Variants in MAPK8IP3 observed in about 807,000 individuals in gnomAD.
MAPK8IP3 encodes mitogen-activated protein kinase 8 interacting protein 3.
Under a neutral mutation model 157.8 loss-of-function variants are expected in MAPK8IP3, and 49 were observed. The observed-to-expected ratio is 0.31, with a 90% CI of 0.25 to 0.39. The LOEUF is 0.39. Ranked by LOEUF, MAPK8IP3 falls within the 10% of genes least tolerant of loss-of-function variation. The pLI is 1.00. For synonymous variants in MAPK8IP3, 897 were observed against 777.7 expected (o/e 1.15, Z -2.55); for missense variants, 1,478 against 1,889.4 (o/e 0.78, Z 4.04).
intron 8 of MAPK8IP3, among the ~76,000 whole-genome samples, chr16:1,750,376 C>T (rs1000412903): frequency 8.6e-5 from 13 of 152,006 alleles, no homozygotes; most frequent in Non-Finnish European, 1.6e-4. Flanking sequence ...CCACGCCCGG[C>T]TAATTTTTGT....
intron 20 of MAPK8IP3, 36 bp from the exon 21 acceptor site, chr16:1,765,924 C>A: frequency 1.3e-6 from 2 of 1,572,622 alleles, no homozygotes; most frequent in Non-Finnish European, 1.7e-6. Flanking sequence ...GTAGTGGGTT[C>A]CCCCGCACAG....
At chr16:1,768,664 G>A (rs377575166) in intron 31 of MAPK8IP3, 38 bp downstream of exon 31, 110 of 1,610,728 alleles carry the variant, frequency 6.8e-5, no homozygotes, top group Admixed American at 2.2e-4. Context: ...GGTTGGGCGC[G>A]GGGGGAGCCT....
At chr16:1,760,203 G>A in intron 11 of MAPK8IP3, 177 bp from the exon 12 acceptor site, 4 of 959,394 alleles carry the variant, frequency 4.2e-6, no homozygotes, top group South Asian at 3.2e-5. Context: ...GTCTCCAGGA[G>A]CCTCTAACAA....
At position 1,766,029 on chromosome 16, in the gene MAPK8IP3, G is replaced by A. The variant is rs1323598674; in HGVS notation, c.2516G>A (p.Gly839Asp). ...AGCGACGTGAACCCAGAGGACCCGG[G>A]CGCAGATGGCGTGCTGGCCGGTATC... is the stretch of plus-strand genomic sequence containing the variant. Reference protein sequence around the residue: ...LDSDVNPEDPGADGVLAGITL... With the variant: ...LDSDVNPEDPDADGVLAGITL... Residue 839 changes from glycine (G) to aspartate (D), a missense_variant, in exon 21 of 32, where the codon GGC becomes GAC. By Grantham distance (94) the Gly-to-Asp change is moderately conservative. Coordinates refer to ENST00000610761, the MANE Select transcript of MAPK8IP3 (RefSeq NM_001318852.2). The A allele has an allele frequency of 1.2e-6, 2 of 1,612,744 alleles. No homozygotes were observed. The highest frequency in any genetic ancestry group is 1.7e-6 in the Non-Finnish European group (2 of 1,179,968).
At position 1,724,376 on chromosome 16, in the gene MAPK8IP3, G is replaced by A. The variant is rs554604721; in HGVS notation, c.319-181G>A. On this transcript the variant is annotated intron_variant, in intron 1 of 31. Transcript: ENST00000610761. This position sits in a 1 kb window ranked among gnomAD's most constrained non-coding sequence, Gnocchi z 4.1. ...CCTCATGGCTCCTCACTGTGCCTGA[G>A]GAGGGTGGTGGCCACAGCCACGTGG... Among the ~76,000 whole-genome samples the A allele has an allele frequency of 2.0e-4, 31 of 152,372 alleles. No individual in the cohort carries two copies. Among genetic ancestry groups the A allele is most frequent in the African/African-American group, 6.0e-4 (25 of 41,604 alleles).
intron 1 of MAPK8IP3, among the ~76,000 whole-genome samples, chr16:1,720,862 G>T (rs894655142): frequency 6.6e-6 from 1 of 151,888 alleles, no homozygotes; most frequent in South Asian, 2.1e-4. Context: ...GTGAAACCCC[G>T]TTTCTACTAA....
intron 1 of MAPK8IP3, among the ~76,000 whole-genome samples, chr16:1,707,089 T>A (rs116764379): frequency 0.011 from 1,685 of 152,008 alleles, 50 homozygotes; most frequent in African/African-American, 0.039. Context: ...TGCCTTTGCT[T>A]TCGTGCGTGT....
At chr16:1,757,345 C>T (rs960237359) in intron 8 of MAPK8IP3, among the ~76,000 whole-genome samples, 2 of 152,208 alleles carry the variant, frequency 1.3e-5, no homozygotes, top group African/African-American at 4.8e-5. Flanking sequence ...ACCTTGTGAT[C>T]CGCCCGCCTC....
rs962944331 is a variant in MAPK8IP3, at chr16:1,743,612, G to A, written c.747+136G>A. The A allele has an allele frequency of 2.1e-6, 3 of 1,449,112 alleles. No individual in the cohort carries two copies. In the South Asian group the frequency reaches 4.2e-5, roughly 20 times the overall value. 89.8% of individuals were successfully genotyped at this position (1,449,112 alleles called of 1,614,324 possible). ...TCGCCCTCTCCCTTCGTGTGTGGCAGGATGGAGAAACCCAGCCAGGGTGTC... is the reference window on the plus strand; with the variant it reads ...TCGCCCTCTCCCTTCGTGTGTGGCAAGATGGAGAAACCCAGCCAGGGTGTC... On this transcript the variant is annotated intron_variant, in intron 5 of 31. Coordinates refer to ENST00000610761, the MANE Select transcript of MAPK8IP3 (RefSeq NM_001318852.2). This position sits in a 1 kb window ranked among gnomAD's most constrained non-coding sequence, Gnocchi z 5.6.
In MAPK8IP3 at chr16:1,724,599, G is replaced by C. The variant is rs2038746315; in HGVS notation, c.361G>C (p.Glu121Gln). 6.2e-7 allele frequency: 1 copy of C among 1,613,646 alleles called. No homozygotes were observed. Among genetic ancestry groups the C allele is most frequent in the Non-Finnish European group, 8.5e-7 (1 of 1,179,994 alleles). ...FEDALEQEKK[E>Q]LQIQVEHYEF... is the part of the protein sequence containing the mutation. ...AGATGCTCTGGAACAAGAGAAGAAAGAGCTGCAAATCCAGGTGGAGCACTA... is the reference window on the plus strand; with the variant it reads ...AGATGCTCTGGAACAAGAGAAGAAACAGCTGCAAATCCAGGTGGAGCACTA... The change falls in exon 2 of 32, where the codon GAG (glutamate) becomes CAG (glutamine). Residue 121 changes from glutamate (E) to glutamine (Q), a missense_variant. By Grantham distance (29) the Glu-to-Gln change is conservative. Transcript: ENST00000610761. This position sits in a 1 kb window ranked among gnomAD's most constrained non-coding sequence, Gnocchi z 4.1.
chr16:1,757,529 G>T (rs117834706), intron 8 of MAPK8IP3, among the ~76,000 whole-genome samples: 1 of 152,292 alleles, frequency 6.6e-6, no homozygotes, highest in East Asian at 1.9e-4. Flanking sequence ...AGCCTCCTGT[G>T]CAGGGAGGGG....
rs1394119217 is a variant in MAPK8IP3 at position 1,706,701 on chromosome 16, C to T, written c.318+44C>T. 13 of 1,492,886 alleles carry T rather than the reference C, an allele frequency of 8.7e-6. No individual in the cohort carries two copies. Among genetic ancestry groups the T allele is most frequent in the Middle Eastern group, 2.3e-4 (1 of 4,262 alleles). The allele number at this position is 1,492,886 out of a possible 1,614,324, so 92.5% of individuals were successfully genotyped here. On this transcript the variant is annotated intron_variant, in intron 1 of 31. Transcript: ENST00000610761. The surrounding 1 kb of genome is among the most constrained non-coding windows in gnomAD (Gnocchi z 5.1). ...CCGCCCGCATCCCCGTCCCGGACCCCCAGCCAGCCCCGGGCCCCGGACCCA... is the reference window on the plus strand; with the variant it reads ...CCGCCCGCATCCCCGTCCCGGACCCTCAGCCAGCCCCGGGCCCCGGACCCA...
At position 1,743,049 on chromosome 16, in the gene MAPK8IP3, C is replaced by T. The variant is rs1204328123; in HGVS notation, c.603-283C>T. Among the ~76,000 whole-genome samples, 3 of 151,910 alleles carry T rather than the reference C, an allele frequency of 2.0e-5. No individual in the cohort carries two copies. The highest frequency in any genetic ancestry group is 2.9e-5 in the Non-Finnish European group (2 of 67,976). ...GGTGGAACTTGCAGTGAGCCAAGTT[C>T]GTGCCACTGCACTCCAGCCTGGGTG... On this transcript the variant is annotated intron_variant, in intron 4 of 31. Transcript: ENST00000610761. The surrounding 1 kb of genome is among the most constrained non-coding windows in gnomAD (Gnocchi z 5.6).
intron 8 of MAPK8IP3, among the ~76,000 whole-genome samples, chr16:1,757,159 G>A (rs2141902170): frequency 6.6e-6 from 1 of 152,194 alleles, no homozygotes; most frequent in East Asian, 1.9e-4. Context: ...AGGCTGGAGT[G>A]CAGTGGCGTG....
In MAPK8IP3 at chr16:1,766,564, G is replaced by A. The variant is rs375325831; in HGVS notation, c.2855G>A (p.Arg952Gln). Reference sequence around the variant, plus strand: ...CCAGAGCCTGACAGCAGCAGCACACGGCCAGAGCCAGAGCCCAGCGGGGAC... The same window carrying A: ...CCAGAGCCTGACAGCAGCAGCACACAGCCAGAGCCAGAGCCCAGCGGGGAC... Reference protein sequence around the residue: ...NGPEPDSSSTRPEPEPSGDPT... With the variant: ...NGPEPDSSSTQPEPEPSGDPT... The change falls in exon 23 of 32, where the codon CGG (arginine) becomes CAG (glutamine). Residue 952 changes from arginine (R) to glutamine (Q), a missense_variant. Physicochemically the swap from Arg to Gln is conservative, Grantham distance 43. Transcript: ENST00000610761. 23 of 1,612,160 alleles carry A rather than the reference G, an allele frequency of 1.4e-5. No homozygotes were observed. The highest frequency in any genetic ancestry group is 1.7e-5 in the Non-Finnish European group (20 of 1,179,878).
At chr16:1,722,583 G>A (rs939870837) in intron 1 of MAPK8IP3, among the ~76,000 whole-genome samples, 4 of 152,138 alleles carry the variant, frequency 2.6e-5, no homozygotes, top group Non-Finnish European at 5.9e-5. Context: ...ACCCAGCTGA[G>A]GCTGGGTGCA....
chr16:1,735,174 G>A (rs1307194382), intron 4 of MAPK8IP3: 5 of 152,326 alleles, frequency 3.3e-5, no homozygotes, highest in East Asian at 1.9e-4. Context: ...CTGTCTCATC[G>A]GGGTACGGCC....
chr16:1,758,999 A>G lies in MAPK8IP3; in HGVS notation c.1246+4A>G. ...CTAGTGCGCGATGATTTCTTTGGTA[A>G]GGCTGAGGCCCCGTTCCAGCGTGCG... On this transcript the variant is annotated splice_donor_region_variant and intron_variant, in intron 10 of 31. Transcript: ENST00000610761. The G allele has an allele frequency of 6.2e-7, 1 of 1,614,142 alleles. No individual in the cohort carries two copies. Among genetic ancestry groups the G allele is most frequent in the Non-Finnish European group, 8.5e-7 (1 of 1,180,022 alleles).
rs60461442 is a variant in MAPK8IP3, at chr16:1,756,623, AACACACACACACACACACAC to A, written c.1217-1497_1217-1478del. ...CATAGTGAGACCTCATTTTTACTAAAACACACACACACACACACACACACACACACACACACACACACACA... is the reference window on the plus strand; with the variant it reads ...CATAGTGAGACCTCATTTTTACTAAAACACACACACACACACACACACACA... On this transcript the variant is annotated intron_variant, in intron 8 of 31. Coordinates refer to ENST00000610761, the MANE Select transcript of MAPK8IP3 (RefSeq NM_001318852.2). Among the ~76,000 whole-genome samples the A allele has an allele frequency of 1.8e-3, 246 of 135,702 alleles. 3 individuals carry two copies. Among genetic ancestry groups the A allele is most frequent in the African/African-American group, 1.7e-3 (62 of 36,092 alleles). 89.0% of individuals were successfully genotyped at this position (135,702 alleles called of 152,430 possible). A position where few individuals can be genotyped will look rare whatever the true frequency, so the allele number is the denominator to read the frequency against.
Sources: allele counts gnomAD v4.1 joint callset (sites outside exome capture counted in the v4.1 genomes callset), GRCh38; gene constraint gnomAD v4.1.1; non-coding constraint Gnocchi (gnomAD v3.1); transcripts MANE v1.5; gene names NCBI Gene and HGNC (gene_info 2026-07-23, HGNC 2026-07-21).